RCSD1: variants seen among roughly 807,000 people sequenced by gnomAD.
RCSD1 encodes capZ-interacting protein.
In RCSD1, 26 loss-of-function variants were observed where a neutral mutation model predicts 42.5. The ratio of observed to expected loss-of-function variants is 0.61; its 90% CI spans 0.45 to 0.85. RCSD1 has a LOEUF of 0.85. Among genes scored for constraint, RCSD1 ranks in the 40% least tolerant of loss-of-function variants. The pLI is 0.00. For synonymous variants in RCSD1, 220 were observed against 212.2 expected, an observed-to-expected ratio of 1.04 and a Z score of -0.32; for missense variants, 571 against 528.3, an observed-to-expected ratio of 1.08 and a Z score of -0.79.
Position 167,694,105 on chromosome 1 carries a change from T to G in RCSD1, c.277T>G (p.Leu93Val), listed in dbSNP as rs1659439877. 2 of 1,614,164 alleles carry G rather than the reference T, an allele frequency of 1.2e-6. No homozygotes were observed. Among genetic ancestry groups the G allele is most frequent in the Non-Finnish European group, 1.7e-6 (2 of 1,180,006 alleles). ...GTTCATCTTTTCTTGACAGGCCAATTTAACCTTTGACCCAGCTGCTCTACT... is the reference window on the plus strand; with the variant it reads ...GTTCATCTTTTCTTGACAGGCCAATGTAACCTTTGACCCAGCTGCTCTACT... Reference protein sequence around the residue: ...SPLIEKLQANLTFDPAALLPG... With the variant: ...SPLIEKLQANVTFDPAALLPG... Residue 93 changes from leucine to valine, a missense_variant, in exon 5 of 7, where the codon TTA (leucine) becomes GTA (valine). Physicochemically the swap from Leu to Val is conservative, Grantham distance 32. Coordinates refer to ENST00000367854, the MANE Select transcript of RCSD1 (RefSeq NM_052862.4).
chr1:167,676,013 G>A (rs1278485967), intron 1 of RCSD1, among the ~76,000 whole-genome samples: 1 of 152,186 alleles, frequency 6.6e-6, no homozygotes, highest in Non-Finnish European at 1.5e-5. Context: ...TCCAGTAATA[G>A]CTAACAATTA....
chr1:167,649,892 T>C (rs371778988), intron 1 of RCSD1, among the ~76,000 whole-genome samples: 2 of 152,170 alleles, frequency 1.3e-5, no homozygotes, highest in South Asian at 2.1e-4. Context: ...GTGTCCATAA[T>C]AATAAACAGC....
At chr1:167,652,796 G>T (rs941117690) in intron 1 of RCSD1, among the ~76,000 whole-genome samples, 9 of 152,112 alleles carry the variant, frequency 5.9e-5, no homozygotes, top group African/African-American at 2.2e-4. Flanking sequence ...TGGTAGCATA[G>T]TGTTTTATTA....
intron 5 of RCSD1, 38 bp from the exon 6 acceptor site, chr1:167,697,061 T>C (rs1368227432): frequency 6.4e-7 from 1 of 1,573,064 alleles, no homozygotes; most frequent in Non-Finnish European, 8.6e-7. Context: ...CCTTTTTTTA[T>C]GAGTTTTTGG....
intron 1 of RCSD1, among the ~76,000 whole-genome samples, chr1:167,653,798 T>C (rs1327329878): frequency 6.6e-6 from 1 of 152,162 alleles, no homozygotes; most frequent in Admixed American, 6.5e-5. Flanking sequence ...AGCTGGATCT[T>C]GGATGATGAA....
Position 167,697,104 on chromosome 1 carries a change from G to A in RCSD1, c.480G>A (p.Arg160=). Residue 160 remains arginine, a synonymous_variant, in exon 6 of 7, where the codon CGG becomes CGA. Coordinates refer to ENST00000367854, the MANE Select transcript of RCSD1 (RefSeq NM_052862.4). ...GSHLPCYNKV[R]TRGSIKRRPP... is the part of the protein sequence containing the mutation. ...TCCTTAACACTTTCTTCTAGGTGCG[G>A]ACGAGGGGCTCAATAAAAAGGCGCC... 1 of 1,612,386 alleles carries A rather than the reference G, an allele frequency of 6.2e-7. No homozygotes were observed. Among genetic ancestry groups the A allele is most frequent in the Non-Finnish European group, 8.5e-7 (1 of 1,179,144 alleles).
At position 167,695,583 on chromosome 1, in the gene RCSD1, G is replaced by C. The variant is rs369163751; in HGVS notation, c.474+1281G>C. The stretch of plus-strand genomic sequence containing the variant: ...AGGCAAGGTCTTCCTCTGTCACCCA[G>C]GCTGGAGTGCAGTGGTGCGATATTG... On this transcript the variant is annotated intron_variant, in intron 5 of 6. Transcript: ENST00000367854. 6.7e-5 allele frequency among the ~76,000 whole-genome samples: 10 copies of C among 149,282 alleles called. No individual in the cohort carries two copies. In the East Asian group the frequency reaches 2.0e-3, roughly 29 times the overall value.
chr1:167,695,801 G>A (rs553264640), intron 5 of RCSD1, among the ~76,000 whole-genome samples: 9 of 151,988 alleles, frequency 5.9e-5, no homozygotes, highest in East Asian at 5.8e-4. Flanking sequence ...GATTACAGGC[G>A]GGCACCACCA....
chr1:167,696,330 G>T lies in RCSD1; in HGVS notation c.475-769G>T, dbSNP rs148537733. Among the ~76,000 whole-genome samples the T allele has an allele frequency of 1.6e-4, 24 of 152,012 alleles. No individual in the cohort carries two copies. The South Asian group carries it at 1.7e-3, about 11-fold the overall frequency. On this transcript the variant is annotated intron_variant, in intron 5 of 6. Transcript: ENST00000367854. The stretch of plus-strand genomic sequence containing the variant: ...CATTTTGCATCTTCACAAGATAAAA[G>T]TCTGACTCTTATGCAAAATAGAGAT...
intron 1 of RCSD1, among the ~76,000 whole-genome samples, chr1:167,655,906 T>C (rs1002409045): frequency 6.6e-6 from 1 of 152,120 alleles, no homozygotes; most frequent in African/African-American, 2.4e-5. Flanking sequence ...AACTAAAACT[T>C]TGGGAAAAAC....
At chr1:167,659,449 T>C (rs1658494796) in intron 1 of RCSD1, among the ~76,000 whole-genome samples, 2 of 152,302 alleles carry the variant, frequency 1.3e-5, no homozygotes, top group East Asian at 1.9e-4. Flanking sequence ...CTGGGAGTTT[T>C]CCCTTAGTTA....
At chr1:167,688,009 A>G (rs960979098) in intron 3 of RCSD1, among the ~76,000 whole-genome samples, 11 of 152,240 alleles carry the variant, frequency 7.2e-5, no homozygotes. Flanking sequence ...ATATATACAT[A>G]TACAGGGATG....
chr1:167,647,702 G>C (rs1272394774), intron 1 of RCSD1, among the ~76,000 whole-genome samples: 1 of 152,178 alleles, frequency 6.6e-6, no homozygotes, highest in African/African-American at 2.4e-5. Flanking sequence ...TCATACCACT[G>C]CACTCCAGCC....
intron 4 of RCSD1, among the ~76,000 whole-genome samples, chr1:167,690,872 C>G (rs568641624): frequency 6.6e-6 from 1 of 152,294 alleles, no homozygotes; most frequent in South Asian, 2.1e-4. Context: ...TCCTGTCCAA[C>G]CTCTCCACCA....
intron 1 of RCSD1, among the ~76,000 whole-genome samples, chr1:167,662,409 TTC>T (rs1406418822): frequency 2.8e-4 from 43 of 152,244 alleles, no homozygotes; most frequent in Middle Eastern, 3.4e-3. Context: ...GTCTCTCTCT[TTC>T]TCTCTTTCTC....
rs1165841223 is a variant in RCSD1 at position 167,694,200 on chromosome 1, C to A, written c.372C>A (p.Thr124=). 1 of 1,614,212 alleles carries A rather than the reference C, an allele frequency of 6.2e-7. No individual in the cohort carries two copies. Residue 124 remains threonine (T), a synonymous_variant, in exon 5 of 7, where the codon ACC becomes ACA. Transcript: ENST00000367854. Reference sequence around the variant, plus strand: ...CGCCATTTCACAGCCCACCTTCTACCCCCAGCAGCCCTGGTGTGCGATCTA... The same window carrying A: ...CGCCATTTCACAGCCCACCTTCTACACCCAGCAGCCCTGGTGTGCGATCTA... The part of the protein sequence containing the change: ...MVSPFHSPPS[T]PSSPGVRSRP...
chr1:167,692,020 T>A (rs1659389464), intron 4 of RCSD1, among the ~76,000 whole-genome samples: 1 of 152,190 alleles, frequency 6.6e-6, no homozygotes, highest in Non-Finnish European at 1.5e-5. Context: ...AGTTACCAAA[T>A]GTTCTGTACC....
chr1:167,708,217 G>C lies in RCSD1; in HGVS notation c.*3521G>C, dbSNP rs895336663. ...GTCAATCCTGCACTTTCTCTACAAG[G>C]CTTGCAAAGGTGAGCAAGAAGATTC... On this transcript the variant is annotated 3_prime_UTR_variant, in exon 7 of 7. Coordinates refer to ENST00000367854, the MANE Select transcript of RCSD1 (RefSeq NM_052862.4). Among the ~76,000 whole-genome samples the C allele has an allele frequency of 4.9e-4, 75 of 152,260 alleles. 1 individual carries two copies. The highest frequency in any genetic ancestry group is 1.8e-3 in the African/African-American group (75 of 41,550).
intron 1 of RCSD1, among the ~76,000 whole-genome samples, chr1:167,671,564 A>G (rs776097003): frequency 2.0e-5 from 3 of 152,184 alleles, no homozygotes; most frequent in Non-Finnish European, 4.4e-5. Context: ...CCCAGTGAAA[A>G]GATCTTCTGC....
Sources: allele counts gnomAD v4.1 joint callset (sites outside exome capture counted in the v4.1 genomes callset), GRCh38; gene constraint gnomAD v4.1.1; transcripts MANE v1.5; gene names NCBI Gene and HGNC (gene_info 2026-07-23, HGNC 2026-07-21).